NCOA6: variants seen among roughly 807,000 people sequenced by gnomAD.
The protein encoded by NCOA6 is NRC RAP250.
Under a neutral mutation model 171.4 loss-of-function variants are expected in NCOA6, and 49 were observed. That is an observed-to-expected ratio of 0.29 (90% CI 0.23 to 0.36). The LOEUF is 0.36. Ranked by LOEUF, NCOA6 falls within the 10% of genes least tolerant of loss-of-function variation. The pLI is 1.00. For missense variants in NCOA6, 2,248 were observed against 2,554.5 expected (o/e 0.88, Z 2.59); for synonymous variants, 910 against 927.5 (o/e 0.98, Z 0.34).
At chr20:34,718,402 T>A (rs1988869472) in intron 14 of NCOA6, among the ~76,000 whole-genome samples, 2 of 152,316 alleles carry the variant, frequency 1.3e-5, no homozygotes, top group Admixed American at 1.3e-4. Context: ...TTTGATGAGT[T>A]TTTTTGTTTT....
At chr20:34,798,904 T>C (rs1391981596) in intron 1 of NCOA6, among the ~76,000 whole-genome samples, 2 of 152,126 alleles carry the variant, frequency 1.3e-5, no homozygotes, top group African/African-American at 4.8e-5. Flanking sequence ...AAGACTATAA[T>C]AAATACCTAA....
intron 1 of NCOA6, 39 bp from the exon 2 acceptor site, chr20:34,792,602 G>A (rs1159327233): frequency 2.5e-6 from 1 of 398,142 alleles, no homozygotes; most frequent in Non-Finnish European, 4.4e-6. Flanking sequence ...AAAAGAGAGA[G>A]AGAGATAAAA....
intron 1 of NCOA6, among the ~76,000 whole-genome samples, chr20:34,823,764 C>T (rs868503032): frequency 2.6e-5 from 4 of 152,090 alleles, no homozygotes; most frequent in Middle Eastern, 3.4e-3. Flanking sequence ...ATGGAATGAC[C>T]ATAGCATGGC....
intron 1 of NCOA6, among the ~76,000 whole-genome samples, chr20:34,794,405 T>C (rs1347361495): frequency 6.6e-6 from 1 of 152,214 alleles, no homozygotes; most frequent in Non-Finnish European, 1.5e-5. Context: ...TATAGTGTTA[T>C]GCACTACAGC....
Position 34,742,980 on chromosome 20 carries a change from A to ACCT in NCOA6, c.3275_3276insAGG (p.Pro1092_Asp1093insGly). The stretch of plus-strand genomic sequence containing the variant: ...CAGGCATTGGCATTCTTTGTTTATC[A>ACCT]GGTGATGGTGGCACGGAGGCAGGTC... On this transcript the variant is annotated inframe_insertion, in exon 11 of 15. Coordinates refer to ENST00000359003, the MANE Select transcript of NCOA6 (RefSeq NM_014071.5). 1.9e-6 allele frequency: 3 copies of ACCT among 1,613,678 alleles called. No homozygotes were observed. Among genetic ancestry groups the ACCT allele is most frequent in the Non-Finnish European group, 2.5e-6 (3 of 1,179,658 alleles).
In NCOA6 at chr20:34,742,706, G is replaced by T; in HGVS notation, c.3550C>A (p.Pro1184Thr). 1 of 1,614,158 alleles carries T rather than the reference G, an allele frequency of 6.2e-7. No homozygotes were observed. The highest frequency in any genetic ancestry group is 1.1e-5 in the South Asian group (1 of 91,084). ...GAGCTGGGCAGGGAATTTACAGGGG[G>T]TTGCTGGGGAGTTGCACCTTGAGTT... is the stretch of plus-strand genomic sequence containing the variant. ...SATQGATPQQ[P>T]PVNSLPSSHG... Residue 1184 changes from proline (P) to threonine (T), a missense_variant, in exon 11 of 15, where the codon CCC (proline) becomes ACC (threonine). By Grantham distance (38) the Pro-to-Thr change is conservative. Around this residue, in one of 7 missense-constraint regions of NCOA6, gnomAD observed 352 missense variants for 419.1 expected, o/e 0.84. Coordinates refer to ENST00000359003, the MANE Select transcript of NCOA6 (RefSeq NM_014071.5).
At position 34,740,492 on chromosome 20, in the gene NCOA6, C is replaced by A. The variant is rs761632621; in HGVS notation, c.5764G>T (p.Val1922Leu). 3.1e-6 allele frequency: 5 copies of A among 1,614,142 alleles called. No individual in the cohort carries two copies. In the East Asian group the frequency reaches 8.9e-5, roughly 29 times the overall value. Reference protein sequence around the residue: ...TSVRSIVTTLVPSELISAVPT... With the variant: ...TSVRSIVTTLLPSELISAVPT... ...ACGGCGGAGATGAGCTCGGAGGGTA[C>A]CAGAGTGGTTACTATCGAGCGTACA... is the stretch of plus-strand genomic sequence containing the variant. The change falls in exon 11 of 15, where the codon GTA (valine) becomes TTA (leucine). Residue 1922 changes from valine (V) to leucine (L), a missense_variant. Around this residue, in one of 7 missense-constraint regions of NCOA6, gnomAD observed 884 missense variants for 941.9 expected, o/e 0.94. Transcript: ENST00000359003.
intron 14 of NCOA6, among the ~76,000 whole-genome samples, chr20:34,715,936 G>T (rs1489778743): frequency 6.6e-6 from 1 of 152,210 alleles, no homozygotes; most frequent in Non-Finnish European, 1.5e-5. Flanking sequence ...ATTGTGGAAG[G>T]CTGGGCGTGG....
chr20:34,746,169 T>C (rs1255926351), intron 10 of NCOA6, among the ~76,000 whole-genome samples: 3 of 151,890 alleles, frequency 2.0e-5, no homozygotes, highest in Non-Finnish European at 2.9e-5. Flanking sequence ...AGTGAAATCA[T>C]CTCTCCATTT....
rs187208562 is a variant in NCOA6, at chr20:34,780,274, A to G, written c.235+1847T>C. ...CTTATCAAAATCTTTTTAAACTTCC[A>G]TATTTGAGAGATTTGACTTAAAATA... is the stretch of plus-strand genomic sequence containing the variant. On this transcript the variant is annotated intron_variant, in intron 3 of 14. Coordinates refer to ENST00000359003, the MANE Select transcript of NCOA6 (RefSeq NM_014071.5). 6.9e-4 allele frequency among the ~76,000 whole-genome samples: 105 copies of G among 152,348 alleles called. 2 individuals are homozygous for G. Among genetic ancestry groups the G allele is most frequent in the African/African-American group, 2.2e-3 (93 of 41,584 alleles).
At position 34,742,152 on chromosome 20, in the gene NCOA6, C is replaced by T; in HGVS notation, c.4104G>A (p.Val1368=). 1 of 1,614,190 alleles carries T rather than the reference C, an allele frequency of 6.2e-7. No homozygotes were observed. The highest frequency in any genetic ancestry group is 8.5e-7 in the Non-Finnish European group (1 of 1,180,052). Residue 1368 remains valine (V), a synonymous_variant, in exon 11 of 15, where the codon GTG becomes GTA. Transcript: ENST00000359003. ...TGACCAATACATTTCTCGGCAACTCCACATTCTGCAATAGGGCTGCATTTG... is the reference window on the plus strand; with the variant it reads ...TGACCAATACATTTCTCGGCAACTCTACATTCTGCAATAGGGCTGCATTTG... ...SQTNAALLQN[V]ELPRNVLVSP...
Position 34,750,200 on chromosome 20 carries a change from G to A in NCOA6, c.1995C>T (p.Pro665=), listed in dbSNP as rs2145709197. 6 of 1,611,190 alleles carry A rather than the reference G, an allele frequency of 3.7e-6. No individual in the cohort carries two copies. The highest frequency in any genetic ancestry group is 5.1e-6 in the Non-Finnish European group (6 of 1,178,386). Residue 665 remains proline, a synonymous_variant, in exon 9 of 15, where the codon CCC becomes CCT. Transcript: ENST00000359003. ...GCGAGGGCCCAAGATTTTGGCTCGG[G>A]GGGTTCACCATCATCTGGCCCTGTG... is the stretch of plus-strand genomic sequence containing the variant. The part of the protein sequence containing the change: ...LMPQGQMMVN[P]PSQNLGPSPQ...
chr20:34,723,422 A>G (rs1489889549), intron 14 of NCOA6, among the ~76,000 whole-genome samples: 2 of 152,230 alleles, frequency 1.3e-5, no homozygotes, highest in Non-Finnish European at 2.9e-5. Flanking sequence ...ACTCATACAC[A>G]GTAACTTAAC....
rs544721753 is a variant in NCOA6, at chr20:34,742,679, G to A, written c.3577C>T (p.His1193Tyr). The A allele has an allele frequency of 6.2e-7, 1 of 1,614,072 alleles. No homozygotes were observed. The highest frequency in any genetic ancestry group is 8.5e-7 in the Non-Finnish European group (1 of 1,180,052). Residue 1193 changes from histidine to tyrosine, a missense_variant, in exon 11 of 15, where the codon CAC (histidine) becomes TAC (tyrosine). Coordinates refer to ENST00000359003, the MANE Select transcript of NCOA6 (RefSeq NM_014071.5). ...GCCACATTTGGGAAGTGGTGGCCGTGAGAGCTGGGCAGGGAATTTACAGGG... is the reference window on the plus strand; with the variant it reads ...GCCACATTTGGGAAGTGGTGGCCGTAAGAGCTGGGCAGGGAATTTACAGGG... ...QPPVNSLPSSHGHHFPNVAAP... is the reference protein window; with the variant it reads ...QPPVNSLPSSYGHHFPNVAAP...
At chr20:34,730,605 G>A (rs1473114787) in intron 13 of NCOA6, among the ~76,000 whole-genome samples, 1 of 152,102 alleles carries the variant, frequency 6.6e-6, no homozygotes, top group Non-Finnish European at 1.5e-5. Flanking sequence ...AATCAGACAG[G>A]CAGAGTGGTA....
chr20:34,764,467 G>A (rs904898547), intron 5 of NCOA6, among the ~76,000 whole-genome samples: 6 of 152,100 alleles, frequency 3.9e-5, no homozygotes, highest in African/African-American at 9.7e-5. Context: ...GCTGAGACGC[G>A]TGGATCACTT....
At chr20:34,728,468 T>C (rs1438711468) in intron 13 of NCOA6, among the ~76,000 whole-genome samples, 2 of 152,178 alleles carry the variant, frequency 1.3e-5, no homozygotes, top group Non-Finnish European at 2.9e-5. Context: ...ACATTTTTGA[T>C]TGTCACAACT....
intron 5 of NCOA6, among the ~76,000 whole-genome samples, chr20:34,764,583 G>A (rs1041513519): frequency 6.6e-6 from 1 of 151,944 alleles, no homozygotes; most frequent in Admixed American, 6.5e-5. Context: ...CTACTAGGGA[G>A]GGTGAGGCAG....
At chr20:34,729,658 C>T (rs1011365747) in intron 13 of NCOA6, among the ~76,000 whole-genome samples, 1 of 152,152 alleles carries the variant, frequency 6.6e-6, no homozygotes, top group Non-Finnish European at 1.5e-5. Context: ...CTCTTGGGTT[C>T]ACAGTCTTTA....
Sources: allele counts gnomAD v4.1 joint callset (sites outside exome capture counted in the v4.1 genomes callset), GRCh38; gene constraint gnomAD v4.1.1; regional missense constraint gnomAD v4.1.1; transcripts MANE v1.5; gene names NCBI Gene and HGNC (gene_info 2026-07-23, HGNC 2026-07-21).